The following STARD13 variants were observed in gnomAD, a reference collection of about 807,000 sequenced individuals.
STARD13 encodes the protein StAR related lipid transfer domain containing 13.
STARD13 carries 62 observed loss-of-function variants against 106.4 expected under a neutral mutation model. The ratio of observed to expected loss-of-function variants is 0.58; its 90% CI spans 0.48 to 0.72. The LOEUF is 0.72. STARD13 is among the 30% of genes least tolerant of loss of function. The pLI, the probability that STARD13 is intolerant of heterozygous loss-of-function variation, is 0.00. For missense variants in STARD13, 1,387 were observed against 1,424.0 expected, an observed-to-expected ratio of 0.97 and a Z score of 0.42; for synonymous variants, 565 against 553.0, an observed-to-expected ratio of 1.02 and a Z score of -0.31.
At chr13:33,291,352 T>A (rs1205612634) in intron 1 of STARD13, among the ~76,000 whole-genome samples, 1 of 152,244 alleles carries the variant, frequency 6.6e-6, no homozygotes, top group Non-Finnish European at 1.5e-5. Flanking sequence ...CACATGACTT[T>A]AGCCATTCAT....
the STARD13 span, among the ~76,000 whole-genome samples, chr13:33,572,965 A>G: frequency 6.6e-6 from 1 of 152,188 alleles, no homozygotes; most frequent in African/African-American, 2.4e-5. Context: ...TCAAGGGACA[A>G]CTTTAATGCA....
the STARD13 span, among the ~76,000 whole-genome samples, chr13:33,582,541 C>T: frequency 0.012 from 1,837 of 152,254 alleles, 31 homozygotes; most frequent in African/African-American, 0.041. Context: ...AGTATATCTA[C>T]GAATACCTGT....
intron 10 of STARD13, 61 bp downstream of exon 10, chr13:33,111,717 C>A: frequency 2.0e-6 from 2 of 994,558 alleles, no homozygotes; most frequent in East Asian, 4.8e-5. Flanking sequence ...GCAACAATCC[C>A]AAGCGTCTTA....
the STARD13 span, among the ~76,000 whole-genome samples, chr13:33,519,220 CTTTCTTTCT>C: frequency 7.4e-6 from 1 of 135,010 alleles, no homozygotes; most frequent in East Asian, 2.4e-4. Context: ...TTCTTTCTTT[CTTTCTTTCT>C]TTCTTTCTTT....
At chr13:33,202,057 G>T (rs1490457988) in intron 1 of STARD13, among the ~76,000 whole-genome samples, 1 of 152,106 alleles carries the variant, frequency 6.6e-6, no homozygotes, top group East Asian at 1.9e-4. Context: ...TTTCCTAGGA[G>T]AATTACTGGA....
the STARD13 span, among the ~76,000 whole-genome samples, chr13:33,517,612 G>C: frequency 6.6e-6 from 1 of 152,068 alleles, no homozygotes; most frequent in African/African-American, 2.4e-5. Flanking sequence ...AGGTTCCTCT[G>C]ATAATGTGGA....
At chr13:33,125,987 T>C in intron 7 of STARD13, 94 bp downstream of exon 7, 1 of 1,404,250 alleles carries the variant, frequency 7.1e-7, no homozygotes, top group Admixed American at 1.8e-5. Flanking sequence ...ATGTCTTGCC[T>C]GATATTGGGC....
chr13:33,400,641 T>A, the STARD13 span, among the ~76,000 whole-genome samples: 3 of 152,074 alleles, frequency 2.0e-5, no homozygotes, highest in Non-Finnish European at 4.4e-5. Context: ...TTTTTTGTAT[T>A]TTTACTAGAG....
intron 1 of STARD13, among the ~76,000 whole-genome samples, chr13:33,237,273 T>C (rs2764622): frequency 0.57 from 86,349 of 151,962 alleles, 26,291 homozygotes; most frequent in Middle Eastern, 0.7. Context: ...CTAGGAAAAA[T>C]AATTAAATAA....
chr13:33,665,395 A>G, the STARD13 span, among the ~76,000 whole-genome samples: 1 of 152,372 alleles, frequency 6.6e-6, no homozygotes, highest in South Asian at 2.1e-4. Context: ...AAGATAGAAC[A>G]TAAGAAAAAA....
At chr13:33,313,714 C>T (rs1253039031) in intron 1 of STARD13, among the ~76,000 whole-genome samples, 2 of 152,056 alleles carry the variant, frequency 1.3e-5, no homozygotes, top group Non-Finnish European at 2.9e-5. Context: ...TAGAAATGAC[C>T]AAGATCATAA....
At chr13:33,354,399 G>A (rs998986610), upstream of STARD13, among the ~76,000 whole-genome samples, 1 of 152,170 alleles carries the variant, frequency 6.6e-6, no homozygotes, top group Non-Finnish European at 1.5e-5. Context: ...ACAAATCCCA[G>A]TGGCTGGATG....
chr13:33,124,187 A>C (rs114358851), intron 7 of STARD13, among the ~76,000 whole-genome samples: 197 of 151,938 alleles, frequency 1.3e-3, no homozygotes, highest in African/African-American at 4.6e-3. Flanking sequence ...TTTCCTTCCT[A>C]TTACCACCTT....
chr13:33,202,857 C>T (rs1177902470), intron 1 of STARD13, among the ~76,000 whole-genome samples: 1 of 152,140 alleles, frequency 6.6e-6, no homozygotes, highest in African/African-American at 2.4e-5. Context: ...AAAATTCGCT[C>T]ACTTCCTCTT....
chr13:33,196,477 C>A (rs551420035), intron 1 of STARD13, among the ~76,000 whole-genome samples: 1 of 152,194 alleles, frequency 6.6e-6, no homozygotes, highest in African/African-American at 2.4e-5. Flanking sequence ...TAGGAGGCGC[C>A]CTCACTGGAG....
At chr13:33,517,395 C>G in the STARD13 span, among the ~76,000 whole-genome samples, 1 of 152,054 alleles carries the variant, frequency 6.6e-6, no homozygotes, top group Non-Finnish European at 1.5e-5. Flanking sequence ...TGAAGTTATT[C>G]CATTAGAAAT....
chr13:33,565,356 TAAAGA>T, the STARD13 span, among the ~76,000 whole-genome samples: 1 of 147,356 alleles, frequency 6.8e-6, no homozygotes, highest in East Asian at 2.0e-4. Flanking sequence ...GTTTCTAGAG[TAAAGA>T]AAAGACAAAT....
At chr13:33,609,650 T>C in the STARD13 span, among the ~76,000 whole-genome samples, 1 of 151,086 alleles carries the variant, frequency 6.6e-6, no homozygotes, top group African/African-American at 2.4e-5. Context: ...CACTGCAAGC[T>C]CCACCTCCCG....
chr13:33,581,386 C>T, the STARD13 span, among the ~76,000 whole-genome samples: 1 of 151,978 alleles, frequency 6.6e-6, no homozygotes, highest in Non-Finnish European at 1.5e-5. Context: ...TCCCAGTGGG[C>T]CCAAGATCAA....
Sources: gnomAD v4.1 joint callset for allele counts (sites outside exome capture counted in the v4.1 genomes callset) on GRCh38, gnomAD v4.1.1 for gene constraint, MANE v1.5 for transcripts, NCBI Gene and HGNC (gene_info 2026-07-23, HGNC 2026-07-21) for gene names.